The following KIF26A variants were observed in gnomAD, a reference collection of about 807,000 sequenced individuals.
The protein encoded by KIF26A is kinesin-like protein KIF26A.
KIF26A carries 74 observed loss-of-function variants against 126.0 expected under a neutral mutation model. The observed-to-expected ratio is 0.59, with a 90% CI of 0.49 to 0.71. The LOEUF is 0.71. Among genes scored for constraint, KIF26A ranks in the 30% least tolerant of loss-of-function variants. The probability of loss-of-function intolerance (pLI) is 0.00; values close to 1 mark genes in which losing one functional copy is unlikely to be tolerated. For missense variants in KIF26A, 2,984 were observed against 2,763.3 expected (o/e 1.08, Z -1.79); for synonymous variants, 1,445 against 1,232.7 (o/e 1.17, Z -3.61).
chr14:104,138,801 CG>C, intron 1 of KIF26A, 37 bp downstream of exon 1: 5 of 1,258,332 alleles, frequency 4.0e-6, no homozygotes, highest in South Asian at 3.2e-5. Context: ...AGGCGGGCGG[CG>C]GGGGCCCGGG....
chr14:104,172,045 T>C, intron 6 of KIF26A, 110 bp downstream of exon 6: 3 of 1,068,472 alleles, frequency 2.8e-6, no homozygotes, highest in Non-Finnish European at 4.0e-6. Context: ...AGAGGAAGCG[T>C]GAGCGAGGGG....
Position 104,177,384 on chromosome 14 carries a change from C to T in KIF26A, c.4596C>T (p.Ala1532=), listed in dbSNP as rs2487301. 2.4e-4 allele frequency: 357 copies of T among 1,481,898 alleles called. 9 individuals are homozygous for T. The South Asian group carries it at 4.0e-3, about 16-fold the overall frequency. 91.8% of individuals were successfully genotyped at this position (1,481,898 alleles called of 1,614,324 possible). A position where few individuals can be genotyped will look rare whatever the true frequency, so the allele number is the denominator to read the frequency against. ...VTGRSPGGPV[A]GPRAAPRAGP... ...GCAGGAGCCCTGGCGGCCCTGTGGC[C>T]GGTCCCAGAGCAGCCCCACGGGCCG... Residue 1532 remains alanine, a synonymous_variant, in exon 12 of 15, where the codon GCC becomes GCT. Transcript: ENST00000423312.
At chr14:104,172,908 G>T in intron 7 of KIF26A, 69 bp from the exon 8 acceptor site, 1 of 1,469,150 alleles carries the variant, frequency 6.8e-7, no homozygotes. Context: ...TTGGCCCCCG[G>T]GGACGCCAGT....
chr14:104,140,019 G>C lies in KIF26A; in HGVS notation c.288+731G>C, dbSNP rs553245198. Among the ~76,000 whole-genome samples the C allele has an allele frequency of 2.2e-3, 337 of 152,276 alleles. 2 individuals are homozygous for C. The highest frequency in any genetic ancestry group is 7.8e-3 in the African/African-American group (322 of 41,534). On this transcript the variant is annotated intron_variant, in intron 2 of 14. Transcript: ENST00000423312. ...TGCATGCTGGAAGTTTGCAAAGGCTGGGGGCGGGTGGGGGTCTCCAGAGGA... is the reference window on the plus strand; with the variant it reads ...TGCATGCTGGAAGTTTGCAAAGGCTCGGGGCGGGTGGGGGTCTCCAGAGGA...
intron 4 of KIF26A, among the ~76,000 whole-genome samples, chr14:104,158,768 C>T (rs1251757962): frequency 2.0e-5 from 3 of 152,150 alleles, no homozygotes; most frequent in South Asian, 2.1e-4. Flanking sequence ...CATGGAGGGG[C>T]GTGGTGTGGG....
chr14:104,177,135 C>T lies in KIF26A; in HGVS notation c.4347C>T (p.Ser1449=), dbSNP rs1445947614. ...ACGAAGGCCTGGCGCACAGCAGCAG[C>T]AAGGGCCGGGAAGCCCCTGGGCGGC... ...ERYEGLAHSS[S]KGREAPGRPP... Residue 1449 remains serine, a synonymous_variant, in exon 12 of 15, where the codon AGC becomes AGT. Coordinates refer to ENST00000423312, the MANE Select transcript of KIF26A (RefSeq NM_015656.2). The T allele has an allele frequency of 6.3e-7, 1 of 1,597,818 alleles. No homozygotes were observed. The highest frequency in any genetic ancestry group is 1.7e-5 in the Admixed American group (1 of 59,970).
In KIF26A at chr14:104,139,201, C is replaced by T; in HGVS notation, c.201C>T (p.Gly67=). Reference sequence around the variant, plus strand: ...AGCAGGGCCACTCGGCCGGCGGAGGCGGCTGGTGCCGCCACTGCCACACGA... The same window carrying T: ...AGCAGGGCCACTCGGCCGGCGGAGGTGGCTGGTGCCGCCACTGCCACACGA... ...GPEQGHSAGG[G]GWCRHCHTKL... is the part of the protein sequence containing the mutation. Residue 67 remains glycine (G), a synonymous_variant, in exon 2 of 15, where the codon GGC becomes GGT. Coordinates refer to ENST00000423312, the MANE Select transcript of KIF26A (RefSeq NM_015656.2). The T allele has an allele frequency of 1.3e-6, 2 of 1,548,846 alleles. No individual in the cohort carries two copies. The highest frequency in any genetic ancestry group is 2.5e-5 in the East Asian group (1 of 40,634).
At chr14:104,159,492 C>T (rs1246608156) in intron 4 of KIF26A, among the ~76,000 whole-genome samples, 1 of 152,238 alleles carries the variant, frequency 6.6e-6, no homozygotes, top group Non-Finnish European at 1.5e-5. Context: ...AGGGTGTCGG[C>T]CCCCAGGCCG....
At chr14:104,147,563 C>A (rs2141091603) in intron 2 of KIF26A, among the ~76,000 whole-genome samples, 1 of 152,284 alleles carries the variant, frequency 6.6e-6, no homozygotes, top group Middle Eastern at 3.4e-3. Context: ...CCGGGGCAGC[C>A]AGGTGTGGCC....
In KIF26A at chr14:104,176,947, C is replaced by T. The variant is rs2038037229; in HGVS notation, c.4159C>T (p.Pro1387Ser). 2 of 1,535,398 alleles carry T rather than the reference C, an allele frequency of 1.3e-6. No individual in the cohort carries two copies. Among genetic ancestry groups the T allele is most frequent in the Non-Finnish European group, 8.7e-7 (1 of 1,145,774 alleles). ...PASAPPHAVN[P>S]ARVGAAAVLR... ...CTCGGCCCCTCCGCATGCTGTGAAC[C>T]CGGCGCGGGTCGGGGCTGCTGCTGT... The change falls in exon 12 of 15, where the codon CCG becomes TCG. Residue 1387 changes from proline (P) to serine (S), a missense_variant. Transcript: ENST00000423312.
At chr14:104,163,881 C>G (rs896729684) in intron 4 of KIF26A, among the ~76,000 whole-genome samples, 1 of 152,054 alleles carries the variant, frequency 6.6e-6, no homozygotes, top group Non-Finnish European at 1.5e-5. Flanking sequence ...GCTTCCCACA[C>G]CTGGAACTAC....
chr14:104,176,693 G>A lies in KIF26A; in HGVS notation c.3905G>A (p.Arg1302Gln), dbSNP rs747856857. Residue 1302 changes from arginine to glutamine, a missense_variant, in exon 12 of 15, where the codon CGG (arginine) becomes CAG (glutamine). Coordinates refer to ENST00000423312, the MANE Select transcript of KIF26A (RefSeq NM_015656.2). ...GCCCGCAGGCCAGAGGCTGTGGCTC[G>A]GATCCCACCGCTGCGGAGGGGTGCC... ...RAARRPEAVA[R>Q]IPPLRRGATT... The A allele has an allele frequency of 1.8e-5, 28 of 1,590,672 alleles. No homozygotes were observed. The highest frequency in any genetic ancestry group is 1.2e-4 in the Admixed American group (7 of 58,712).
At chr14:104,166,443 C>T (rs1345713344) in intron 4 of KIF26A, among the ~76,000 whole-genome samples, 4 of 152,140 alleles carry the variant, frequency 2.6e-5, no homozygotes, top group African/African-American at 9.7e-5. Context: ...GGTGGATGTG[C>T]CCAGGTCACA....
chr14:104,171,630 G>C (rs2037957637), intron 5 of KIF26A, 93 bp from the exon 6 acceptor site: 3 of 1,112,160 alleles, frequency 2.7e-6, no homozygotes, highest in Non-Finnish European at 2.6e-6. Context: ...GGCCTGGCCC[G>C]CTGTCCCCAC....
rs1250521320 is a variant in KIF26A, at chr14:104,179,251, A to G, written c.5332A>G (p.Ser1778Gly). The change falls in exon 14 of 15, where the codon AGT becomes GGT. Residue 1778 changes from serine to glycine, a missense_variant. Transcript: ENST00000423312. ...EAPTQGLACV[S>G]TRLRLAERRQ... is the part of the protein sequence containing the mutation. ...TGCCTCCCAGGGTCTGGCGTGCGTC[A>G]GTACAAGGCTGCGGCTGGCGGAGCG... 7 of 1,507,396 alleles carry G rather than the reference A, an allele frequency of 4.6e-6. No individual in the cohort carries two copies. The Admixed American group carries it at 1.5e-4, about 32-fold the overall frequency. 93.4% of individuals were successfully genotyped at this position (1,507,396 alleles called of 1,614,324 possible). A position where few individuals can be genotyped will look rare whatever the true frequency, so the allele number is the denominator to read the frequency against.
intron 4 of KIF26A, among the ~76,000 whole-genome samples, chr14:104,161,628 G>A (rs556155444): frequency 7.9e-5 from 12 of 152,284 alleles, no homozygotes; most frequent in Admixed American, 4.6e-4. Context: ...CCGCTGTCTC[G>A]TTCATCCTCG....
rs1343992201 is a variant in KIF26A, at chr14:104,173,438, G to T, written c.1792G>T (p.Ala598Ser). The T allele has an allele frequency of 1.3e-6, 2 of 1,584,966 alleles. No individual in the cohort carries two copies. The highest frequency in any genetic ancestry group is 8.6e-7 in the Non-Finnish European group (1 of 1,165,946). ...STSRAGCGED[A>S]RRSSHMLFTL... is the part of the protein sequence containing the mutation. The stretch of plus-strand genomic sequence containing the variant: ...CAGCCGAGCGGGCTGTGGCGAGGAC[G>T]CCCGACGCAGCTCCCACATGTTGTT... Residue 598 changes from alanine to serine, a missense_variant, in exon 9 of 15, where the codon GCC becomes TCC. By Grantham distance (99) the Ala-to-Ser change is moderately conservative (BLOSUM62 1). Transcript: ENST00000423312.
chr14:104,173,666 C>A (rs1189888990), intron 9 of KIF26A, 40 bp from the exon 10 acceptor site: 1 of 1,601,540 alleles, frequency 6.2e-7, no homozygotes. Context: ...GATCTGGGGG[C>A]CCCTGGCTAC....
chr14:104,165,593 CTATGCATGTGTGTGTCTCTGTCTCTG>C, intron 4 of KIF26A, among the ~76,000 whole-genome samples: 1 of 139,008 alleles, frequency 7.2e-6, no homozygotes, highest in Non-Finnish European at 1.5e-5. Flanking sequence ...GTCTGTGTGT[CTATGCATGTGTGTGTCTCTGTCTCTG>C]TATGCATGTG....
Sources: allele counts gnomAD v4.1 joint callset (sites outside exome capture counted in the v4.1 genomes callset), GRCh38; gene constraint gnomAD v4.1.1; transcripts MANE v1.5; gene names NCBI Gene and HGNC (gene_info 2026-07-23, HGNC 2026-07-21).